The following INO80D variants were observed in gnomAD, a reference collection of about 807,000 sequenced individuals.
The protein encoded by INO80D is INO80 complex subunit D.
Under a neutral mutation model 87.6 loss-of-function variants are expected in INO80D, and 21 were observed. The ratio of observed to expected loss-of-function variants is 0.24; its 90% CI spans 0.17 to 0.35. INO80D has a LOEUF of 0.35. Among genes scored for constraint, INO80D ranks in the 10% least tolerant of loss-of-function variants. INO80D has a pLI of 1.00. For missense variants in INO80D, 982 were observed against 1,280.7 expected, an observed-to-expected ratio of 0.77 and a Z score of 3.56; for synonymous variants, 440 against 491.0, an observed-to-expected ratio of 0.90 and a Z score of 1.37.
intron 4 of INO80D, among the ~76,000 whole-genome samples, chr2:206,054,472 C>T (rs1434814445): frequency 1.3e-5 from 2 of 151,742 alleles, no homozygotes; most frequent in African/African-American, 4.8e-5. Context: ...TTTTTTAATC[C>T]ACAGGATAGT....
At chr2:206,027,131 A>T (rs1688634941) in intron 6 of INO80D, among the ~76,000 whole-genome samples, 1 of 147,886 alleles carries the variant, frequency 6.8e-6, no homozygotes, top group South Asian at 2.2e-4. Context: ...CTCACTGGAA[A>T]ATTTACACAC....
intron 4 of INO80D, among the ~76,000 whole-genome samples, chr2:206,051,295 C>T (rs1012133576): frequency 6.6e-6 from 1 of 151,644 alleles, no homozygotes. Flanking sequence ...AGCTCACTGC[C>T]AGTCATAAGC....
intron 6 of INO80D, among the ~76,000 whole-genome samples, chr2:206,022,572 C>T (rs182237559): frequency 2.2e-4 from 33 of 152,204 alleles, no homozygotes; most frequent in Admixed American, 7.9e-4. Context: ...AAACATTAGT[C>T]ACTGTATGAT....
At chr2:206,046,200 C>G (rs1478966171) in intron 5 of INO80D, among the ~76,000 whole-genome samples, 1 of 152,042 alleles carries the variant, frequency 6.6e-6, no homozygotes, top group Non-Finnish European at 1.5e-5. Flanking sequence ...AAAGTATCAG[C>G]ATATATAGTG....
rs1480146195 is a variant in INO80D at position 206,001,800 on chromosome 2, T to C, written c.*2568A>G. ...TTGTTGTTGATAATTCCTCAACCAC[T>C]TTCCTCAGCTTTCATCATGGGCATC... is the stretch of plus-strand genomic sequence containing the variant. On this transcript the variant is annotated 3_prime_UTR_variant, in exon 11 of 11. Transcript: ENST00000403263. 6.6e-6 allele frequency: 1 copy of C among 152,242 alleles called. No homozygotes were observed. Among genetic ancestry groups the C allele is most frequent in the African/African-American group, 2.4e-5 (1 of 41,468 alleles). The allele number at this position is 152,242 out of a possible 1,614,324, so 9.4% of individuals were successfully genotyped here. A position where few individuals can be genotyped will look rare whatever the true frequency, so the allele number is the denominator to read the frequency against.
In INO80D at chr2:206,063,060, C is replaced by CA. The variant is rs1364259770; in HGVS notation, c.-29-16dup. ...GTGAACATCAGCTAAAAGGCCACCA[C>CA]AAAAAAAGAAACCCAAATGATAAAT... On this transcript the variant is annotated splice_polypyrimidine_tract_variant and intron_variant, in intron 2 of 10. Transcript: ENST00000403263. 1 of 1,356,058 alleles carries CA rather than the reference C, an allele frequency of 7.4e-7. No homozygotes were observed. Among genetic ancestry groups the CA allele is most frequent in the Non-Finnish European group, 1.0e-6 (1 of 964,796 alleles). 84.0% of individuals were successfully genotyped at this position (1,356,058 alleles called of 1,614,324 possible).
intron 1 of INO80D, among the ~76,000 whole-genome samples, chr2:206,084,236 T>TAC (rs1235585765): frequency 1.4e-4 from 15 of 103,610 alleles, no homozygotes; most frequent in African/African-American, 5.7e-4. Flanking sequence ...TTAAATGTTA[T>TAC]ACATACACAC....
chr2:206,084,436 T>A (rs998691474), intron 1 of INO80D, among the ~76,000 whole-genome samples: 1 of 152,110 alleles, frequency 6.6e-6, no homozygotes, highest in Non-Finnish European at 1.5e-5. Context: ...TCAGAATAAA[T>A]GAACTACTGA....
At chr2:206,055,768 T>C (rs1403441444) in intron 4 of INO80D, among the ~76,000 whole-genome samples, 1 of 152,244 alleles carries the variant, frequency 6.6e-6, no homozygotes, top group African/African-American at 2.4e-5. Context: ...AGAAAAAAGA[T>C]TCCATTTGTA....
intron 8 of INO80D, among the ~76,000 whole-genome samples, chr2:206,015,647 G>C (rs182645990): frequency 1.8e-3 from 279 of 152,308 alleles, no homozygotes; most frequent in African/African-American, 6.5e-3. Flanking sequence ...CACTATGGGA[G>C]GCTGAGGCGG....
chr2:206,058,565 T>C (rs1345801304), intron 3 of INO80D, among the ~76,000 whole-genome samples: 1 of 151,360 alleles, frequency 6.6e-6, no homozygotes, highest in Non-Finnish European at 1.5e-5. Flanking sequence ...TGAAACCCCA[T>C]CTCTACTAAA....
intron 6 of INO80D, among the ~76,000 whole-genome samples, chr2:206,026,620 T>C: frequency 6.7e-6 from 1 of 150,182 alleles, no homozygotes; most frequent in East Asian, 1.9e-4. Context: ...TAAATATGTA[T>C]TTATATATAC....
At chr2:206,015,216 C>G (rs149568345) in intron 8 of INO80D, among the ~76,000 whole-genome samples, 103 of 152,290 alleles carry the variant, frequency 6.8e-4, no homozygotes, top group Non-Finnish European at 1.2e-3. Context: ...AGCAGAAATT[C>G]AATCCAGCTG....
At chr2:206,010,083 A>ACACACACACACACACGCACG (rs142314785) in intron 8 of INO80D, among the ~76,000 whole-genome samples, 2 of 151,162 alleles carry the variant, frequency 1.3e-5, no homozygotes, top group African/African-American at 4.9e-5. Flanking sequence ...ACACACACAC[A>ACACACACACACACACGCACG]CACGCACACA....
intron 4 of INO80D, among the ~76,000 whole-genome samples, chr2:206,048,144 C>T (rs1048892498): frequency 6.6e-6 from 1 of 152,048 alleles, no homozygotes; most frequent in Admixed American, 6.6e-5. Flanking sequence ...CGTGAGCCAC[C>T]GTGCCCAGCC....
rs1011706374 is a variant in INO80D at position 206,062,240 on chromosome 2, G to A, written c.218+559C>T. Among the ~76,000 whole-genome samples, 3 of 152,092 alleles carry A rather than the reference G, an allele frequency of 2.0e-5. No homozygotes were observed. Among genetic ancestry groups the A allele is most frequent in the Non-Finnish European group, 4.4e-5 (3 of 68,012 alleles). On this transcript the variant is annotated intron_variant, in intron 3 of 10. Coordinates refer to ENST00000403263, the MANE Select transcript of INO80D (RefSeq NM_017759.5). The surrounding 1 kb of genome is among the most constrained non-coding windows in gnomAD (Gnocchi z 4.6). ...AAGGTTATAAAACATGCCAAACACT[G>A]GTGAGAAGTCTGATAGGAAATAAAT...
intron 8 of INO80D, among the ~76,000 whole-genome samples, chr2:206,013,923 C>T (rs975251507): frequency 1.3e-5 from 2 of 150,254 alleles, no homozygotes; most frequent in African/African-American, 4.9e-5. Flanking sequence ...CTTTGGGAGA[C>T]CAAGCCGGGT....
rs1400401899 is a variant in INO80D at position 205,994,374 on chromosome 2, C to T, written c.*9994G>A. The T allele has an allele frequency of 6.6e-6, 1 of 152,186 alleles. No homozygotes were observed. Among genetic ancestry groups the T allele is most frequent in the African/African-American group, 2.4e-5 (1 of 41,428 alleles). The allele number at this position is 152,186 out of a possible 1,614,324, so 9.4% of individuals were successfully genotyped here. ...AAGAAGGGCTTTGAGAACCGCTAGTCCTTGCTACCGTGCAGTTTCTTTGTT... is the reference window on the plus strand; with the variant it reads ...AAGAAGGGCTTTGAGAACCGCTAGTTCTTGCTACCGTGCAGTTTCTTTGTT... On this transcript the variant is annotated 3_prime_UTR_variant, in exon 11 of 11. Transcript: ENST00000403263.
At chr2:206,084,234 T>TATAC (rs1372408008) in intron 1 of INO80D, among the ~76,000 whole-genome samples, 1 of 110,582 alleles carries the variant, frequency 9.0e-6, no homozygotes, top group Non-Finnish European at 1.9e-5. Context: ...GTTTAAATGT[T>TATAC]ATACATACAC....
Sources: gnomAD v4.1 joint callset for allele counts (sites outside exome capture counted in the v4.1 genomes callset) on GRCh38, gnomAD v4.1.1 for gene constraint, Gnocchi (gnomAD v3.1) non-coding constraint, MANE v1.5 for transcripts, NCBI Gene and HGNC (gene_info 2026-07-23, HGNC 2026-07-21) for gene names.